Variants in CADM2 observed in about 807,000 individuals in gnomAD.
The protein encoded by CADM2 is immunoglobulin superfamily member 4D.
In CADM2, 12 loss-of-function variants were observed where a neutral mutation model predicts 49.8. That is an observed-to-expected ratio of 0.24 (90% CI 0.15 to 0.39). CADM2 has a LOEUF of 0.39. CADM2 is among the 10% of genes least tolerant of loss of function. CADM2 has a pLI of 1.00. For missense variants in CADM2, 378 were observed against 492.3 expected (o/e 0.77, Z 2.20); for synonymous variants, 214 against 175.4 (o/e 1.22, Z -1.74).
chr3:85,592,964 T>A (rs2063147797), intron 1 of CADM2, among the ~76,000 whole-genome samples: 1 of 151,956 alleles, frequency 6.6e-6, no homozygotes, highest in South Asian at 2.1e-4. Flanking sequence ...TAGTTTTCTC[T>A]TCTTGTGTTA....
At chr3:85,944,100 G>A (rs1577729018) in intron 7 of CADM2, among the ~76,000 whole-genome samples, 3 of 151,484 alleles carry the variant, frequency 2.0e-5, no homozygotes, top group Non-Finnish European at 4.4e-5. Context: ...AATGAAAAAC[G>A]AAAAATGGCA....
At position 84,959,415 on chromosome 3, in the gene CADM2, C is replaced by CTGCGGGTGCTT. The variant is rs2030221506; in HGVS notation, c.-189_-179dup. ...AGAAACTATTTCGCGATACCCCATT[C>CTGCGGGTGCTT]TGCGGGTGCTTTGCCGCTGCCGCTT... On this transcript the variant is annotated 5_prime_UTR_variant, in exon 1 of 10. Transcript: ENST00000383699. 1.7e-6 allele frequency: 1 copy of CTGCGGGTGCTT among 590,928 alleles called. No individual in the cohort carries two copies. Among genetic ancestry groups the CTGCGGGTGCTT allele is most frequent in the Admixed American group, 3.0e-5 (1 of 33,166 alleles). 36.6% of individuals were successfully genotyped at this position (590,928 alleles called of 1,614,324 possible). A position where few individuals can be genotyped will look rare whatever the true frequency, so the allele number is the denominator to read the frequency against.
At chr3:85,154,219 A>G (rs1254707168) in intron 1 of CADM2, among the ~76,000 whole-genome samples, 4 of 152,194 alleles carry the variant, frequency 2.6e-5, no homozygotes, top group Non-Finnish European at 5.9e-5. Context: ...TATAACTAGA[A>G]TAACCAATAT....
At chr3:85,147,400 G>A (rs1421554394) in intron 1 of CADM2, among the ~76,000 whole-genome samples, 2 of 151,638 alleles carry the variant, frequency 1.3e-5, no homozygotes, top group African/African-American at 2.4e-5. Context: ...ACAAAAGTGA[G>A]GTATTTTTTG....
At chr3:85,807,149 G>T (rs1243956637) in intron 3 of CADM2, among the ~76,000 whole-genome samples, 4 of 152,116 alleles carry the variant, frequency 2.6e-5, no homozygotes, top group Non-Finnish European at 4.4e-5. Context: ...GATCTTGGCA[G>T]CTTACTTTTG....
At chr3:85,822,752 G>A (rs1257979121) in intron 3 of CADM2, among the ~76,000 whole-genome samples, 2 of 152,092 alleles carry the variant, frequency 1.3e-5, no homozygotes, top group Non-Finnish European at 2.9e-5. Flanking sequence ...CAGGATCCAT[G>A]AATTTTCATA....
rs536694506 is a variant in CADM2, at chr3:85,672,403, G to A, written c.62-54119G>A. Among the ~76,000 whole-genome samples, 502 of 151,842 alleles carry A rather than the reference G, an allele frequency of 3.3e-3. 3 individuals carry two copies. The highest frequency in any genetic ancestry group is 0.012 in the African/African-American group (478 of 41,442). On this transcript the variant is annotated intron_variant, in intron 1 of 9. Coordinates refer to ENST00000383699, the MANE Select transcript of CADM2 (RefSeq NM_001167675.2). Reference sequence around the variant, plus strand: ...GAGACGGGGTTTCACCGTGTTAACCGGGATGGTCTTGATCTCCTGACCTTG... The same window carrying A: ...GAGACGGGGTTTCACCGTGTTAACCAGGATGGTCTTGATCTCCTGACCTTG...
chr3:84,984,355 C>CCAAAAA (rs2032411517), intron 1 of CADM2, among the ~76,000 whole-genome samples: 1 of 41,374 alleles, frequency 2.4e-5, no homozygotes, highest in Non-Finnish European at 3.6e-5. Context: ...CAAGATTAAG[C>CCAAAAA]TAAAAAAAAA....
intron 7 of CADM2, among the ~76,000 whole-genome samples, chr3:85,957,142 TACATAGCACAAGACA>T (rs1261388253): frequency 2.0e-5 from 3 of 151,696 alleles, no homozygotes; most frequent in African/African-American, 4.8e-5. Flanking sequence ...GTTAACGATG[TACATAGCACAAGACA>T]ATCTAGCCTG....
intron 1 of CADM2, among the ~76,000 whole-genome samples, chr3:85,286,195 C>T (rs943944336): frequency 7.9e-5 from 12 of 152,132 alleles, no homozygotes; most frequent in East Asian, 1.9e-4. Context: ...GATCTGGGAC[C>T]GGAGCTGATC....
intron 1 of CADM2, among the ~76,000 whole-genome samples, chr3:85,709,328 G>A (rs1312193666): frequency 6.6e-6 from 1 of 152,066 alleles, no homozygotes; most frequent in African/African-American, 2.4e-5. Context: ...AGGCTAAACT[G>A]CTATCTATCT....
At chr3:85,226,607 T>G (rs111773802) in intron 1 of CADM2, among the ~76,000 whole-genome samples, 2,651 of 152,098 alleles carry the variant, frequency 0.017, 67 homozygotes, top group African/African-American at 0.055. Flanking sequence ...GTTTTTTTTT[T>G]TGTGTGTGTG....
At chr3:85,354,358 T>C (rs368433914) in intron 1 of CADM2, among the ~76,000 whole-genome samples, 3 of 37,962 alleles carry the variant, frequency 7.9e-5, no homozygotes, top group African/African-American at 3.2e-4. Context: ...TGTTGTGGGG[T>C]GGGGGGAGGG....
At chr3:85,116,407 C>A (rs956121702) in intron 1 of CADM2, among the ~76,000 whole-genome samples, 6 of 152,066 alleles carry the variant, frequency 3.9e-5, no homozygotes, top group Non-Finnish European at 8.8e-5. Context: ...TTTTTGATTT[C>A]TTTGTAGCAC....
chr3:86,021,438 T>G (rs1222224602), intron 8 of CADM2, among the ~76,000 whole-genome samples: 2 of 152,206 alleles, frequency 1.3e-5, no homozygotes, highest in African/African-American at 2.4e-5. Context: ...TAGAAATTCA[T>G]TAGTGTAGAC....
intron 1 of CADM2, among the ~76,000 whole-genome samples, chr3:85,556,485 G>T (rs2061962484): frequency 6.6e-6 from 1 of 152,092 alleles, no homozygotes; most frequent in Non-Finnish European, 1.5e-5. Flanking sequence ...AATGTTCATA[G>T]TTTACCTTAG....
At chr3:85,352,954 C>CT (rs1489643199) in intron 1 of CADM2, among the ~76,000 whole-genome samples, 2 of 151,972 alleles carry the variant, frequency 1.3e-5, no homozygotes, top group Non-Finnish European at 2.9e-5. Flanking sequence ...CTAGTGAGTC[C>CT]TTAAGTAGAA....
rs139410581 is a variant in CADM2, at chr3:85,314,192, C to G, written c.61+354524C>G. 1.6e-3 allele frequency among the ~76,000 whole-genome samples: 245 copies of G among 152,234 alleles called. 2 individuals carry two copies. Among genetic ancestry groups the G allele is most frequent in the Middle Eastern group, 3.4e-3 (1 of 294 alleles). On this transcript the variant is annotated intron_variant, in intron 1 of 9. Coordinates refer to ENST00000383699, the MANE Select transcript of CADM2 (RefSeq NM_001167675.2). ...CGTGAGCCACCGCGCCCTGCCTGTA[C>G]ATATCTTTCATTCAATAATTATTTA... is the stretch of plus-strand genomic sequence containing the variant.
At chr3:85,770,310 T>C (rs2070011196) in intron 2 of CADM2, among the ~76,000 whole-genome samples, 1 of 152,068 alleles carries the variant, frequency 6.6e-6, no homozygotes, top group Admixed American at 6.6e-5. Context: ...GACATATCAA[T>C]TTTTTGTTGT....
Sources: gnomAD v4.1 joint callset for allele counts (sites outside exome capture counted in the v4.1 genomes callset) on GRCh38, gnomAD v4.1.1 for gene constraint, MANE v1.5 for transcripts, NCBI Gene and HGNC (gene_info 2026-07-23, HGNC 2026-07-21) for gene names.